Variants in HHAT observed in about 807,000 individuals in gnomAD.
The protein encoded by HHAT is hedgehog acyltransferase.
Under a neutral mutation model 70.8 loss-of-function variants are expected in HHAT, and 47 were observed. That is an observed-to-expected ratio of 0.66 (90% CI 0.53 to 0.85). The LOEUF is 0.85. Among genes scored for constraint, HHAT ranks in the 40% least tolerant of loss-of-function variants. The pLI is 0.00. For synonymous variants in HHAT, 228 were observed against 247.6 expected (o/e 0.92, Z 0.74); for missense variants, 609 against 604.8 (o/e 1.01, Z -0.07).
In HHAT at chr1:210,511,700, G is replaced by T. The variant is rs146656778; in HGVS notation, c.1008-1453G>T. On this transcript the variant is annotated intron_variant, in intron 8 of 11. Transcript: ENST00000261458. ...CCCAAGAGGCGAGACTGGTGGGTGG[G>T]ATGCAACCACCACCCGTTAGGTGTT... is the stretch of plus-strand genomic sequence containing the variant. 4.6e-3 allele frequency among the ~76,000 whole-genome samples: 694 copies of T among 151,998 alleles called. 8 individuals are homozygous for T. Among genetic ancestry groups the T allele is most frequent in the African/African-American group, 0.016 (648 of 41,464 alleles).
chr1:210,448,445 C>T (rs1015061816), intron 7 of HHAT, among the ~76,000 whole-genome samples: 4 of 152,042 alleles, frequency 2.6e-5, no homozygotes, highest in Admixed American at 1.3e-4. Context: ...TCAGTCTTAG[C>T]GTAATAGTTT....
chr1:210,453,768 A>G (rs556401974), intron 7 of HHAT, among the ~76,000 whole-genome samples: 60 of 152,254 alleles, frequency 3.9e-4, no homozygotes, highest in Non-Finnish European at 7.1e-4. Context: ...GATTTGCAAT[A>G]GAATCCTTTA....
At chr1:210,455,897 A>G (rs2093855424) in intron 7 of HHAT, among the ~76,000 whole-genome samples, 2 of 152,176 alleles carry the variant, frequency 1.3e-5, no homozygotes, top group South Asian at 2.1e-4. Flanking sequence ...ATTGTTTTAC[A>G]TGGATATTGG....
At chr1:210,386,723 G>A (rs934297384) in intron 3 of HHAT, among the ~76,000 whole-genome samples, 3 of 152,114 alleles carry the variant, frequency 2.0e-5, no homozygotes, top group Admixed American at 2.0e-4. Context: ...GGGCTCCTGA[G>A]GCCATGACTT....
intron 9 of HHAT, among the ~76,000 whole-genome samples, chr1:210,546,772 G>A (rs1290738860): frequency 1.3e-5 from 2 of 152,214 alleles, no homozygotes; most frequent in South Asian, 4.1e-4. Flanking sequence ...AAGGAGCAGA[G>A]CCTGAAGCTT....
chr1:210,479,779 C>T lies in HHAT; in HGVS notation c.1007+15124C>T, dbSNP rs111453896. On this transcript the variant is annotated intron_variant, in intron 8 of 11. Coordinates refer to ENST00000261458, the MANE Select transcript of HHAT (RefSeq NM_018194.6). Reference sequence around the variant, plus strand: ...AAATTGTTTTGTTTGAATAATTGTACGTCACTTTGACATAAAGTTGTTGGA... The same window carrying T: ...AAATTGTTTTGTTTGAATAATTGTATGTCACTTTGACATAAAGTTGTTGGA... Among the ~76,000 whole-genome samples the T allele has an allele frequency of 4.3e-3, 648 of 152,252 alleles. 3 individuals carry two copies. The highest frequency in any genetic ancestry group is 0.014 in the African/African-American group (597 of 41,556).
rs188909257 is a variant in HHAT at position 210,380,537 on chromosome 1, C to T, written c.160-6931C>T. On this transcript the variant is annotated intron_variant, in intron 3 of 11. Transcript: ENST00000261458. ...CCTGGGCGACAGAGCAAGACTCTGT[C>T]GCAAAAAATAAATAAAATAAAATAA... 6.3e-3 allele frequency among the ~76,000 whole-genome samples: 953 copies of T among 151,722 alleles called. 9 individuals are homozygous for T. The highest frequency in any genetic ancestry group is 0.022 in the African/African-American group (904 of 41,328).
intron 8 of HHAT, among the ~76,000 whole-genome samples, chr1:210,474,178 C>G (rs553679721): frequency 6.6e-6 from 1 of 152,308 alleles, no homozygotes; most frequent in Admixed American, 6.5e-5. Context: ...CATAGAATCC[C>G]TGCCTCCTAG....
At chr1:210,541,593 G>A (rs189253761) in intron 9 of HHAT, among the ~76,000 whole-genome samples, 50 of 152,322 alleles carry the variant, frequency 3.3e-4, no homozygotes, top group African/African-American at 1.2e-3. Flanking sequence ...TGGGTGTGGT[G>A]GCGCGTGCCT....
chr1:210,660,835 A>G (rs960653305), intron 11 of HHAT, among the ~76,000 whole-genome samples: 1 of 152,174 alleles, frequency 6.6e-6, no homozygotes, highest in African/African-American at 2.4e-5. Context: ...TATTTAATAA[A>G]TGGTGCTGGG....
At chr1:210,593,326 T>G (rs893028529) in intron 10 of HHAT, among the ~76,000 whole-genome samples, 2 of 152,172 alleles carry the variant, frequency 1.3e-5, no homozygotes, top group African/African-American at 2.4e-5. Flanking sequence ...GCTATAACTT[T>G]CCTCTTAGTA....
At chr1:210,556,661 A>G (rs566569959) in intron 9 of HHAT, among the ~76,000 whole-genome samples, 2 of 152,260 alleles carry the variant, frequency 1.3e-5, no homozygotes, top group South Asian at 4.1e-4. Context: ...GCCATGTTTG[A>G]TTGATTGCAG....
chr1:210,463,238 A>G (rs927466394), intron 7 of HHAT, among the ~76,000 whole-genome samples: 18 of 151,562 alleles, frequency 1.2e-4, no homozygotes, highest in African/African-American at 4.1e-4. Flanking sequence ...TAGTATATCT[A>G]CAGATATGAT....
chr1:210,486,530 C>T (rs2094474813), intron 8 of HHAT, among the ~76,000 whole-genome samples: 1 of 152,160 alleles, frequency 6.6e-6, no homozygotes, highest in African/African-American at 2.4e-5. Context: ...ACCTGCTAGC[C>T]ACAGGTAGAA....
At chr1:210,603,757 A>G (rs747700566) in intron 10 of HHAT, among the ~76,000 whole-genome samples, 1 of 152,212 alleles carries the variant, frequency 6.6e-6, no homozygotes, top group Non-Finnish European at 1.5e-5. Context: ...CCAAAATAAA[A>G]TTCTTCTAAA....
intron 10 of HHAT, among the ~76,000 whole-genome samples, chr1:210,614,702 G>A (rs1299186166): frequency 6.6e-6 from 1 of 152,038 alleles, no homozygotes; most frequent in African/African-American, 2.4e-5. Context: ...GAGAATGATG[G>A]TTTCCAGCTT....
At chr1:210,508,940 C>T (rs899062461) in intron 8 of HHAT, among the ~76,000 whole-genome samples, 1 of 152,124 alleles carries the variant, frequency 6.6e-6, no homozygotes, top group Non-Finnish European at 1.5e-5. Flanking sequence ...AGCACAGTAC[C>T]TATGTAACAT....
At chr1:210,638,033 A>T (rs891586195) in intron 11 of HHAT, among the ~76,000 whole-genome samples, 2 of 152,230 alleles carry the variant, frequency 1.3e-5, no homozygotes, top group Non-Finnish European at 2.9e-5. Flanking sequence ...ATAATAACAA[A>T]AAATGGAAAA....
chr1:210,528,534 A>C (rs74158903), intron 9 of HHAT, among the ~76,000 whole-genome samples: 1 of 152,162 alleles, frequency 6.6e-6, no homozygotes, highest in Non-Finnish European at 1.5e-5. Context: ...TATGTATACA[A>C]ATGTATCCTA....
Sources: allele counts gnomAD v4.1 joint callset (sites outside exome capture counted in the v4.1 genomes callset), GRCh38; gene constraint gnomAD v4.1.1; transcripts MANE v1.5; gene names NCBI Gene and HGNC (gene_info 2026-07-23, HGNC 2026-07-21).